PTPRK: variants seen among roughly 807,000 people sequenced by gnomAD.
PTPRK encodes the protein receptor-type tyrosine-protein phosphatase kappa.
Under a neutral mutation model 178.0 loss-of-function variants are expected in PTPRK, and 75 were observed. The ratio of observed to expected loss-of-function variants is 0.42; its 90% CI spans 0.35 to 0.51. The LOEUF (loss-of-function observed/expected upper bound fraction) is 0.51. Among genes scored for constraint, PTPRK ranks in the 20% least tolerant of loss-of-function variants. The pLI is 0.02. For synonymous variants in PTPRK, 637 were observed against 620.6 expected, an observed-to-expected ratio of 1.03 and a Z score of -0.39; for missense variants, 1,441 against 1,797.8, an observed-to-expected ratio of 0.80 and a Z score of 3.59.
chr6:128,136,320 A>G (rs1312283067), intron 7 of PTPRK, among the ~76,000 whole-genome samples: 1 of 152,212 alleles, frequency 6.6e-6, no homozygotes, highest in East Asian at 1.9e-4. Context: ...GAAATAAAAC[A>G]TCTGAGAAAA....
chr6:128,251,664 A>G (rs766721465), intron 3 of PTPRK, among the ~76,000 whole-genome samples: 1 of 152,158 alleles, frequency 6.6e-6, no homozygotes, highest in African/African-American at 2.4e-5. Flanking sequence ...ATATTCTTTC[A>G]CTTTCATATA....
intron 1 of PTPRK, among the ~76,000 whole-genome samples, chr6:128,463,051 G>C (rs1202555765): frequency 2.0e-5 from 3 of 151,960 alleles, no homozygotes; most frequent in Admixed American, 2.0e-4. Flanking sequence ...CATGACACTT[G>C]GAAAATTAAT....
rs551538527 is a variant in PTPRK, at chr6:128,169,279, A to T, written c.1162+15153T>A. 3.4e-3 allele frequency among the ~76,000 whole-genome samples: 519 copies of T among 152,212 alleles called. 1 individual carries two copies. The highest frequency in any genetic ancestry group is 0.012 in the African/African-American group (496 of 41,556). Reference sequence around the variant, plus strand: ...GTAAATTTGTTTAACTATAGTAATTATTTCAGCATCTACATGTATGTCAAA... The same window carrying T: ...GTAAATTTGTTTAACTATAGTAATTTTTTCAGCATCTACATGTATGTCAAA... On this transcript the variant is annotated intron_variant, in intron 7 of 29. Transcript: ENST00000368226.
chr6:128,329,780 T>TAC (rs138631965), intron 2 of PTPRK, among the ~76,000 whole-genome samples: 193 of 144,586 alleles, frequency 1.3e-3, no homozygotes, highest in Middle Eastern at 4.3e-3. Flanking sequence ...TCCAGAAACA[T>TAC]ACACACACAC....
chr6:128,070,796 T>C (rs1302653409), intron 11 of PTPRK, among the ~76,000 whole-genome samples: 2 of 151,802 alleles, frequency 1.3e-5, no homozygotes, highest in Non-Finnish European at 2.9e-5. Flanking sequence ...TCACATATTA[T>C]ACTTACTTAA....
At chr6:128,145,743 A>G (rs776479503) in intron 7 of PTPRK, among the ~76,000 whole-genome samples, 2 of 152,186 alleles carry the variant, frequency 1.3e-5, no homozygotes, top group South Asian at 4.1e-4. Context: ...AATATTTTCT[A>G]TTACATTAGG....
intron 1 of PTPRK, among the ~76,000 whole-genome samples, chr6:128,470,175 T>A (rs187505899): frequency 7.7e-4 from 117 of 152,152 alleles, no homozygotes; most frequent in African/African-American, 2.6e-3. Flanking sequence ...CTAACCATCT[T>A]ATATAACTTG....
At chr6:128,446,055 A>G (rs1441001359) in intron 1 of PTPRK, among the ~76,000 whole-genome samples, 1 of 152,230 alleles carries the variant, frequency 6.6e-6, no homozygotes, top group African/African-American at 2.4e-5. Flanking sequence ...AAGAAAAAAA[A>G]AAAATCTACC....
intron 7 of PTPRK, among the ~76,000 whole-genome samples, chr6:128,158,783 C>T (rs1313004895): frequency 6.6e-6 from 1 of 151,810 alleles, no homozygotes; most frequent in Non-Finnish European, 1.5e-5. Flanking sequence ...CCTTTCAAAA[C>T]CTTCATCAAA....
chr6:128,159,735 G>C (rs982272187), intron 7 of PTPRK, among the ~76,000 whole-genome samples: 1 of 151,590 alleles, frequency 6.6e-6, no homozygotes, highest in Non-Finnish European at 1.5e-5. Context: ...TGCTTGTGCT[G>C]GTACCAATAA....
chr6:127,994,966 A>G (rs1776976077), intron 18 of PTPRK, among the ~76,000 whole-genome samples: 1 of 152,010 alleles, frequency 6.6e-6, no homozygotes, highest in Non-Finnish European at 1.5e-5. Flanking sequence ...GGGTAAGAAT[A>G]AAAGCCAGAA....
intron 1 of PTPRK, among the ~76,000 whole-genome samples, chr6:128,453,062 A>C (rs746167651): frequency 6.6e-6 from 1 of 152,206 alleles, no homozygotes; most frequent in Non-Finnish European, 1.5e-5. Context: ...AGGTATGTAA[A>C]TAACATTGTG....
chr6:128,458,397 A>T (rs757335666), intron 1 of PTPRK, among the ~76,000 whole-genome samples: 1 of 152,226 alleles, frequency 6.6e-6, no homozygotes, highest in Admixed American at 6.5e-5. Context: ...AGATATGAGT[A>T]TGCAGTCATA....
intron 5 of PTPRK, among the ~76,000 whole-genome samples, chr6:128,233,610 C>T (rs967881037): frequency 2.0e-5 from 3 of 152,206 alleles, no homozygotes; most frequent in African/African-American, 7.2e-5. Flanking sequence ...TTTGGCTGAG[C>T]AACTAGCTGT....
At chr6:128,302,260 C>T (rs952563158) in intron 3 of PTPRK, among the ~76,000 whole-genome samples, 4 of 151,614 alleles carry the variant, frequency 2.6e-5, no homozygotes, top group South Asian at 2.1e-4. Context: ...GGTGTGGTGG[C>T]GGGCGCCTGT....
intron 28 of PTPRK, among the ~76,000 whole-genome samples, 180 bp downstream of exon 28, chr6:127,973,484 T>C (rs996703094): frequency 3.3e-5 from 5 of 152,194 alleles, no homozygotes; most frequent in Admixed American, 3.3e-4. Flanking sequence ...TAATAATCAA[T>C]ATTTAGAAAA....
At chr6:128,333,754 T>C (rs1306445046) in intron 2 of PTPRK, among the ~76,000 whole-genome samples, 1 of 152,208 alleles carries the variant, frequency 6.6e-6, no homozygotes, top group Non-Finnish European at 1.5e-5. Context: ...GGGTGTTCAC[T>C]GGAGTAGCAC....
rs576979836 is a variant in PTPRK, at chr6:127,983,267, C to T, written c.3362G>A (p.Arg1121Gln). The part of the protein sequence containing the change: ...IYNCVKALRS[R>Q]RINMVQTEEQ... Reference sequence around the variant, plus strand: ...CTCTGTCTGGACCATATTAATACGCCGAGATCTTAAGGCTTTGACACAATT... The same window carrying T: ...CTCTGTCTGGACCATATTAATACGCTGAGATCTTAAGGCTTTGACACAATT... Residue 1121 changes from arginine (R) to glutamine (Q), a missense_variant, in exon 23 of 30, where the codon CGG (arginine) becomes CAG (glutamine). Around this residue, in one of 4 missense-constraint regions of PTPRK, gnomAD observed 335 missense variants for 512.4 expected, o/e 0.65. Transcript: ENST00000368226. 1.7e-5 allele frequency: 28 copies of T among 1,612,646 alleles called. No individual in the cohort carries two copies. Among genetic ancestry groups the T allele is most frequent in the African/African-American group, 2.7e-5 (2 of 74,912 alleles).
intron 7 of PTPRK, among the ~76,000 whole-genome samples, chr6:128,093,207 A>G (rs1363838523): frequency 6.6e-6 from 1 of 152,144 alleles, no homozygotes; most frequent in Non-Finnish European, 1.5e-5. Flanking sequence ...GTAATTTTAT[A>G]TAACATTTCT....
Sources: gnomAD v4.1 joint callset for allele counts (sites outside exome capture counted in the v4.1 genomes callset) on GRCh38, gnomAD v4.1.1 for gene constraint, gnomAD v4.1.1 regional missense constraint, MANE v1.5 for transcripts, NCBI Gene and HGNC (gene_info 2026-07-23, HGNC 2026-07-21) for gene names.